The following ASPRV1 variants were observed in gnomAD, a reference collection of about 807,000 sequenced individuals.
ASPRV1 encodes aspartic peptidase retroviral like 1.
ASPRV1 carries 7 observed loss-of-function variants against 11.0 expected under a neutral mutation model. The observed-to-expected ratio is 0.64, with a 90% CI of 0.36 to 1.20. The LOEUF (loss-of-function observed/expected upper bound fraction) is 1.20. Among genes scored for constraint, ASPRV1 ranks in the 50% most tolerant of loss-of-function variants. ASPRV1 has a pLI of 0.02. For synonymous variants in ASPRV1, 136 were observed against 138.4 expected, an observed-to-expected ratio of 0.98 and a Z score of 0.12; for missense variants, 299 against 320.0, an observed-to-expected ratio of 0.93 and a Z score of 0.50.
chr2:70,079,563 G>A, the ASPRV1 span, among the ~76,000 whole-genome samples: 1 of 152,158 alleles, frequency 6.6e-6, no homozygotes, highest in East Asian at 1.9e-4. Context: ...CACCAATGGA[G>A]AGTGAGGAGA....
the ASPRV1 span, chr2:70,048,667 A>T: frequency 6.6e-6 from 1 of 152,344 alleles, no homozygotes; most frequent in Non-Finnish European, 1.5e-5. Context: ...GACTGCCATA[A>T]CAAATTACCA....
At chr2:70,012,549 G>C in the ASPRV1 span, among the ~76,000 whole-genome samples, 4 of 152,230 alleles carry the variant, frequency 2.6e-5, no homozygotes, top group African/African-American at 9.6e-5. Context: ...ACAGTATTTG[G>C]TGCCTTCTAG....
At chr2:70,062,873 GCCATGGGAC>G in the ASPRV1 span, among the ~76,000 whole-genome samples, 1 of 152,174 alleles carries the variant, frequency 6.6e-6, no homozygotes, top group Non-Finnish European at 1.5e-5. Flanking sequence ...GGACATTACA[GCCATGGGAC>G]TTAAGAGAAC....
chr2:70,002,869 T>G, the ASPRV1 span, among the ~76,000 whole-genome samples: 2 of 152,232 alleles, frequency 1.3e-5, no homozygotes, highest in Admixed American at 6.5e-5. Flanking sequence ...CTCGTCCTTC[T>G]GAGTGATAGA....
chr2:69,944,801 A>AC, the ASPRV1 span, among the ~76,000 whole-genome samples: 17,925 of 150,268 alleles, frequency 0.12, 2,517 homozygotes, highest in African/African-American at 0.31. Flanking sequence ...GTGAAGAAGG[A>AC]CCCCCCCTCC....
chr2:69,953,873 A>G, the ASPRV1 span, among the ~76,000 whole-genome samples: 2 of 129,400 alleles, frequency 1.5e-5, no homozygotes, highest in African/African-American at 3.7e-5. Context: ...ATGCCCGGCT[A>G]ATTTTTTTTT....
At chr2:69,981,030 C>A in the ASPRV1 span, among the ~76,000 whole-genome samples, 3 of 152,236 alleles carry the variant, frequency 2.0e-5, no homozygotes, top group African/African-American at 7.2e-5. Flanking sequence ...CCCACCTTGG[C>A]CTCCCAGAGG....
the ASPRV1 span, among the ~76,000 whole-genome samples, chr2:69,981,592 T>C: frequency 6.6e-6 from 1 of 152,254 alleles, no homozygotes; most frequent in Non-Finnish European, 1.5e-5. Flanking sequence ...AGTCTTACTC[T>C]GTTACCCAGG....
chr2:70,005,679 C>A, the ASPRV1 span, among the ~76,000 whole-genome samples: 1 of 145,734 alleles, frequency 6.9e-6, no homozygotes, highest in Non-Finnish European at 1.5e-5. Context: ...ATTTAGTAAA[C>A]TTTGTAGTGT....
the ASPRV1 span, among the ~76,000 whole-genome samples, chr2:70,065,327 C>T: frequency 7.5e-6 from 1 of 132,750 alleles, no homozygotes; most frequent in Non-Finnish European, 1.5e-5. Flanking sequence ...GGAGGCGGAG[C>T]TTGCAATGAG....
At chr2:70,082,920 A>G in the ASPRV1 span, among the ~76,000 whole-genome samples, 49 of 152,230 alleles carry the variant, frequency 3.2e-4, no homozygotes, top group African/African-American at 1.2e-3. Flanking sequence ...TTAAAAATAA[A>G]AAAATTAAAC....
At chr2:70,065,738 T>A in the ASPRV1 span, among the ~76,000 whole-genome samples, 1 of 136,064 alleles carries the variant, frequency 7.3e-6, no homozygotes, top group African/African-American at 2.8e-5. Flanking sequence ...GGCAGGAAGA[T>A]CCCTTGAGCC....
At chr2:69,955,485 C>G (rs1023327615), downstream of ASPRV1, among the ~76,000 whole-genome samples, 9 of 152,196 alleles carry the variant, frequency 5.9e-5, no homozygotes, top group African/African-American at 2.2e-4. Context: ...GGTGGGAGAT[C>G]TGAATGAGTG....
chr2:69,973,188 G>A, the ASPRV1 span, among the ~76,000 whole-genome samples: 1 of 152,144 alleles, frequency 6.6e-6, no homozygotes, highest in Non-Finnish European at 1.5e-5. Context: ...ACTCTTTACT[G>A]TAAATTGCAT....
At chr2:69,987,152 T>C in the ASPRV1 span, among the ~76,000 whole-genome samples, 1 of 152,032 alleles carries the variant, frequency 6.6e-6, no homozygotes, top group Non-Finnish European at 1.5e-5. Flanking sequence ...CTGGCCTGAG[T>C]GAGGGGAAGG....
At chr2:70,018,570 A>C in the ASPRV1 span, among the ~76,000 whole-genome samples, 1 of 152,182 alleles carries the variant, frequency 6.6e-6, no homozygotes, top group African/African-American at 2.4e-5. Context: ...CCACCAAAAA[A>C]CAGACACATA....
the ASPRV1 span, chr2:70,055,760 G>C: frequency 5.3e-5 from 8 of 151,818 alleles, no homozygotes; most frequent in African/African-American, 1.9e-4. Flanking sequence ...CTGGTTTTTA[G>C]AATAAAGAAA....
At chr2:70,016,073 G>A in the ASPRV1 span, 1 of 152,116 alleles carries the variant, frequency 6.6e-6, no homozygotes, top group African/African-American at 2.4e-5. Flanking sequence ...GAAACTAACA[G>A]ACATAAAGAA....
chr2:70,027,298 C>G, the ASPRV1 span, among the ~76,000 whole-genome samples: 1 of 146,664 alleles, frequency 6.8e-6, no homozygotes, highest in Admixed American at 6.8e-5. Context: ...GGGGGTGGAG[C>G]AGGATGTAAG....
Sources: allele counts gnomAD v4.1 joint callset (sites outside exome capture counted in the v4.1 genomes callset), GRCh38; gene constraint gnomAD v4.1.1; transcripts MANE v1.5; gene names NCBI Gene and HGNC (gene_info 2026-07-23, HGNC 2026-07-21).